The following DDX4 variants were observed in gnomAD, a reference collection of about 807,000 sequenced individuals.
The protein encoded by DDX4 is DEAD-box helicase 4, also known as probable ATP-dependent RNA helicase DDX4.
DDX4 carries 25 observed loss-of-function variants against 100.0 expected under a neutral mutation model. The observed-to-expected ratio is 0.25, with a 90% CI of 0.18 to 0.35. The LOEUF (loss-of-function observed/expected upper bound fraction) is 0.35. Ranked by LOEUF, DDX4 falls within the 10% of genes least tolerant of loss-of-function variation. The pLI is 1.00. For missense variants in DDX4, 635 were observed against 882.4 expected, an observed-to-expected ratio of 0.72 and a Z score of 3.55; for synonymous variants, 259 against 275.7, an observed-to-expected ratio of 0.94 and a Z score of 0.60.
At chr5:55,767,726 A>T (rs1741011492) in intron 6 of DDX4, among the ~76,000 whole-genome samples, 155 bp from the exon 7 acceptor site, 1 of 152,006 alleles carries the variant, frequency 6.6e-6, no homozygotes, top group East Asian at 1.9e-4. Flanking sequence ...ATGTCTTTAT[A>T]TATCTGTTAA....
intron 7 of DDX4, among the ~76,000 whole-genome samples, chr5:55,774,679 T>A (rs1437873714): frequency 6.6e-6 from 1 of 152,210 alleles, no homozygotes; most frequent in Non-Finnish European, 1.5e-5. Flanking sequence ...TGATGCATTT[T>A]GAATTCATTT....
intron 18 of DDX4, among the ~76,000 whole-genome samples, chr5:55,806,408 T>G (rs539836180): frequency 6.6e-6 from 1 of 152,334 alleles, no homozygotes; most frequent in African/African-American, 2.4e-5. Context: ...TTCTTTTAAT[T>G]GTGATATTAG....
chr5:55,748,298 T>A (rs969535595), intron 3 of DDX4, among the ~76,000 whole-genome samples: 1 of 152,216 alleles, frequency 6.6e-6, no homozygotes, highest in Non-Finnish European at 1.5e-5. Context: ...GACAAATGGA[T>A]AAACGTAATA....
At chr5:55,785,604 TTAAAGG>T (rs778158182) in intron 12 of DDX4, 110 bp downstream of exon 12, 1 of 1,293,608 alleles carries the variant, frequency 7.7e-7, no homozygotes, top group East Asian at 2.3e-5. Context: ...AGTGAAAACT[TTAAAGG>T]TAAGCAGTGG....
intron 3 of DDX4, among the ~76,000 whole-genome samples, chr5:55,753,749 A>C (rs1160460528): frequency 1.5e-5 from 2 of 132,408 alleles, no homozygotes; most frequent in African/African-American, 5.7e-5. Flanking sequence ...TTGAATCTGT[A>C]AATTACCTTG....
Position 55,808,771 on chromosome 5 carries a change from G to A in DDX4, c.1616-4902G>A, listed in dbSNP as rs183801342. ...TAGGCTCCTTGGGGGTCAGGGACCC[G>A]CTTGAGGAGGCAGTCTGTCCCTTCT... On this transcript the variant is annotated intron_variant, in intron 18 of 21. Transcript: ENST00000505374. Among the ~76,000 whole-genome samples the A allele has an allele frequency of 2.4e-3, 361 of 152,330 alleles. 1 individual carries two copies. The highest frequency in any genetic ancestry group is 8.3e-3 in the African/African-American group (344 of 41,574).
At chr5:55,777,892 A>G (rs1741669082) in intron 7 of DDX4, among the ~76,000 whole-genome samples, 1 of 152,186 alleles carries the variant, frequency 6.6e-6, no homozygotes, top group South Asian at 2.1e-4. Flanking sequence ...ATATACTAAG[A>G]TGCACAAAGG....
At chr5:55,752,435 T>C (rs1759625817) in intron 3 of DDX4, among the ~76,000 whole-genome samples, 1 of 148,320 alleles carries the variant, frequency 6.7e-6, no homozygotes, top group Non-Finnish European at 1.5e-5. Flanking sequence ...TATGCGGTGT[T>C]TGGTTTTTTG....
chr5:55,809,226 T>A (rs1031569813), intron 18 of DDX4, among the ~76,000 whole-genome samples: 3 of 152,202 alleles, frequency 2.0e-5, no homozygotes, highest in African/African-American at 7.2e-5. Context: ...CCCCTTTCTT[T>A]GACTAGGAAA....
chr5:55,798,677 T>C, intron 18 of DDX4, 106 bp downstream of exon 18: 1 of 1,083,926 alleles, frequency 9.2e-7, no homozygotes, highest in Middle Eastern at 3.0e-4. Context: ...TAAGTTTGTT[T>C]TAAGTCTCTC....
chr5:55,776,948 A>G (rs1741603508), intron 7 of DDX4, among the ~76,000 whole-genome samples: 5 of 152,326 alleles, frequency 3.3e-5, no homozygotes, highest in Admixed American at 3.3e-4. Flanking sequence ...AAATACTAGC[A>G]AATGAAAAGA....
At chr5:55,751,597 T>A (rs1759556038) in intron 3 of DDX4, among the ~76,000 whole-genome samples, 1 of 152,242 alleles carries the variant, frequency 6.6e-6, no homozygotes, top group African/African-American at 2.4e-5. Flanking sequence ...TTCTGTAAGT[T>A]TCTACTTTTG....
In DDX4 at chr5:55,763,166, C is replaced by G. The variant is rs768271394; in HGVS notation, c.206-9C>G. ...ATGTTAAAGAGTTTAACTGTCCACCCTTTTTCAGATGCTGGTGAGTGTAAT... is the reference window on the plus strand; with the variant it reads ...ATGTTAAAGAGTTTAACTGTCCACCGTTTTTCAGATGCTGGTGAGTGTAAT... On this transcript the variant is annotated splice_polypyrimidine_tract_variant and intron_variant, in intron 4 of 21. Coordinates refer to ENST00000505374, the MANE Select transcript of DDX4 (RefSeq NM_024415.3). 1.1e-5 allele frequency: 17 copies of G among 1,593,728 alleles called. No homozygotes were observed. Among genetic ancestry groups the G allele is most frequent in the Non-Finnish European group, 1.5e-5 (17 of 1,162,712 alleles).
rs762348632 is a variant in DDX4, at chr5:55,792,688, C to G, written c.1350C>G (p.Arg450=). 2 of 1,598,138 alleles carry G rather than the reference C, an allele frequency of 1.3e-6. No individual in the cohort carries two copies. The highest frequency in any genetic ancestry group is 2.2e-5 in the South Asian group (2 of 89,010). Residue 450 remains arginine, a synonymous_variant, in exon 17 of 22, where the codon CGC becomes CGG. Transcript: ENST00000505374. ...IKYLVLDEAD[R]MLDMGFGPEM... ...ACTTAGTTTTGGATGAAGCTGATCG[C>G]ATGTTGGATATGGGTTTTGGTCCAG...
chr5:55,766,233 A>AT (rs1283416122), intron 6 of DDX4, among the ~76,000 whole-genome samples: 4 of 151,876 alleles, frequency 2.6e-5, no homozygotes, highest in African/African-American at 7.3e-5. Flanking sequence ...TTTTAAAGTA[A>AT]TTTTTTATTT....
chr5:55,765,259 C>G (rs1019047989), intron 6 of DDX4, among the ~76,000 whole-genome samples: 1 of 151,536 alleles, frequency 6.6e-6, no homozygotes, highest in African/African-American at 2.4e-5. Flanking sequence ...TACTTGACCC[C>G]TTTGTAGAGA....
At chr5:55,790,741 A>T (rs1178853360) in intron 16 of DDX4, 36 bp downstream of exon 16, 2 of 1,599,664 alleles carry the variant, frequency 1.3e-6, no homozygotes, top group East Asian at 4.5e-5. Flanking sequence ...TGTGAGATTG[A>T]TACTTTTTGT....
chr5:55,756,633 A>G (rs1221535974), intron 3 of DDX4, among the ~76,000 whole-genome samples: 1 of 152,082 alleles, frequency 6.6e-6, no homozygotes, highest in Non-Finnish European at 1.5e-5. Flanking sequence ...TGGTTTTAGT[A>G]TATGGAATTT....
At chr5:55,776,800 G>A (rs576022451) in intron 7 of DDX4, among the ~76,000 whole-genome samples, 2 of 152,122 alleles carry the variant, frequency 1.3e-5, no homozygotes, top group Admixed American at 1.3e-4. Flanking sequence ...GAAAGGCATA[G>A]GAAACAAGAA....
Sources: allele counts gnomAD v4.1 joint callset (sites outside exome capture counted in the v4.1 genomes callset), GRCh38; gene constraint gnomAD v4.1.1; transcripts MANE v1.5; gene names NCBI Gene and HGNC (gene_info 2026-07-23, HGNC 2026-07-21).